MYBPC3: variants seen among roughly 807,000 people sequenced by gnomAD.
MYBPC3 encodes the protein myosin-binding protein C, cardiac-type.
Under a neutral mutation model 159.3 loss-of-function variants are expected in MYBPC3, and 108 were observed. The ratio of observed to expected loss-of-function variants is 0.68; its 90% CI spans 0.58 to 0.80. The LOEUF (loss-of-function observed/expected upper bound fraction) is 0.80. Ranked by LOEUF, MYBPC3 falls within the 30% of genes least tolerant of loss-of-function variation. The pLI is 0.00. For synonymous variants in MYBPC3, 730 were observed against 702.0 expected, an observed-to-expected ratio of 1.04 and a Z score of -0.63; for missense variants, 1,631 against 1,762.1, an observed-to-expected ratio of 0.93 and a Z score of 1.33.
intron 26 of MYBPC3, 124 bp downstream of exon 26, chr11:47,335,753 C>A (rs2095881580): frequency 2.5e-6 from 2 of 807,252 alleles, no homozygotes. Context: ...ACAGATATTT[C>A]TCTGGGTGTC....
intron 25 of MYBPC3, 69 bp from the exon 26 acceptor site, chr11:47,336,080 TCTGAA>T (rs1167834163): frequency 2.2e-6 from 3 of 1,339,314 alleles, no homozygotes; most frequent in Non-Finnish European, 2.9e-6. Context: ...TGCCCTAGAC[TCTGAA>T]CTGCCCACTG....
chr11:47,337,270 G>A lies in MYBPC3; in HGVS notation c.2602+121C>T, dbSNP rs1301238528. 9.2e-6 allele frequency: 10 copies of A among 1,086,490 alleles called. No individual in the cohort carries two copies. The South Asian group carries it at 1.6e-4, about 17-fold the overall frequency. 67.3% of individuals were successfully genotyped at this position (1,086,490 alleles called of 1,614,324 possible). On this transcript the variant is annotated intron_variant, in intron 25 of 34. Transcript: ENST00000545968. ...AAAATGCGGCTGAGTATCCCCAGTCGAGGATGAAAGGAGACTGTGGATGTG... is the reference window on the plus strand; with the variant it reads ...AAAATGCGGCTGAGTATCCCCAGTCAAGGATGAAAGGAGACTGTGGATGTG...
chr11:47,335,935 T>C lies in MYBPC3; in HGVS notation c.2679A>G (p.Pro893=). ...CCAGGCCTCCTGCTCCCACGCGCTC[T>C]GGGGGCCGCCACTTGAGGGAGACCG... is the stretch of plus-strand genomic sequence containing the variant. ...DTTVSLKWRP[P]ERVGAGGLDG... Residue 893 remains proline, a synonymous_variant, in exon 26 of 35, where the codon CCA becomes CCG. Transcript: ENST00000545968. The C allele has an allele frequency of 1.3e-6, 2 of 1,560,820 alleles. No homozygotes were observed. Among genetic ancestry groups the C allele is most frequent in the East Asian group, 2.4e-5 (1 of 41,740 alleles).
At position 47,339,809 on chromosome 11, in the gene MYBPC3, A is replaced by G. The variant is rs1057521020; in HGVS notation, c.1928-19T>C. On this transcript the variant is annotated intron_variant, in intron 20 of 34. Transcript: ENST00000545968. ...GGAGGTTCTGCAGAAGACACAATGT[A>G]GTTCAGAGAAACGGGAGAGCCAGGA... 1 of 1,606,082 alleles carries G rather than the reference A, an allele frequency of 6.2e-7. No individual in the cohort carries two copies. Among genetic ancestry groups the G allele is most frequent in the Non-Finnish European group, 8.5e-7 (1 of 1,173,436 alleles).
At chr11:47,331,757 A>G (rs558023598) in intron 34 of MYBPC3, 41 bp from the exon 35 acceptor site, 1 of 1,340,324 alleles carries the variant, frequency 7.5e-7, no homozygotes, top group Non-Finnish European at 1.0e-6. Flanking sequence ...GAGGGCCCCT[A>G]CAGCCTCCCA....
chr11:47,335,185 T>A lies in MYBPC3; in HGVS notation c.2762A>T (p.Gln921Leu), dbSNP rs986300955. ...EGCSEWVAALQGLTEHTSILV... is the reference protein window; with the variant it reads ...EGCSEWVAALLGLTEHTSILV... Reference sequence around the variant, plus strand: ...TATCGATGTGTGCTCTGTCAGCCCCTGCAGGGCAGCCACCCACTCTGAGCC... The same window carrying A: ...TATCGATGTGTGCTCTGTCAGCCCCAGCAGGGCAGCCACCCACTCTGAGCC... Residue 921 changes from glutamine (Q) to leucine (L), a missense_variant, in exon 27 of 35, where the codon CAG (glutamine) becomes CTG (leucine). Coordinates refer to ENST00000545968, the MANE Select transcript of MYBPC3 (RefSeq NM_000256.3). 1.7e-5 allele frequency: 28 copies of A among 1,606,032 alleles called. No homozygotes were observed. In the Admixed American group the frequency reaches 4.7e-4, roughly 27 times the overall value.
In MYBPC3 at chr11:47,332,442, C is replaced by T; in HGVS notation, c.3627+124G>A. On this transcript the variant is annotated intron_variant, in intron 32 of 34. Transcript: ENST00000545968. The surrounding 1 kb of genome is among the most constrained non-coding windows in gnomAD (Gnocchi z 4.2). ...CATGGCCCTGCCCAGGGGGAGGAAC[C>T]CGGTCCATACACCCCAAGGTGGAGA... is the stretch of plus-strand genomic sequence containing the variant. The T allele has an allele frequency of 2.0e-6, 3 of 1,474,276 alleles. No homozygotes were observed. The highest frequency in any genetic ancestry group is 1.4e-5 in the African/African-American group (1 of 71,416). 91.3% of individuals were successfully genotyped at this position (1,474,276 alleles called of 1,614,324 possible).
In MYBPC3 at chr11:47,332,822, G is replaced by T; in HGVS notation, c.3482C>A (p.Pro1161His). Residue 1161 changes from proline (P) to histidine (H), a missense_variant, in exon 31 of 35, where the codon CCC becomes CAC. Coordinates refer to ENST00000545968, the MANE Select transcript of MYBPC3 (RefSeq NM_000256.3). The surrounding 1 kb of genome is among the most constrained non-coding windows in gnomAD (Gnocchi z 4.2). ...GAATGAGGGTACAGCACCTGGTCTG[G>T]GGATAAAGACGGGCTCCTTGGTGGT... Reference protein sequence around the residue: ...AATTKEPVFIPRPGITYEPPN... With the variant: ...AATTKEPVFIHRPGITYEPPN... The T allele has an allele frequency of 6.2e-7, 1 of 1,606,176 alleles. No individual in the cohort carries two copies.
In MYBPC3 at chr11:47,346,501, G is replaced by C; in HGVS notation, c.926+126C>G. The C allele has an allele frequency of 6.9e-7, 1 of 1,454,424 alleles. No individual in the cohort carries two copies. Among genetic ancestry groups the C allele is most frequent in the East Asian group, 2.4e-5 (1 of 41,998 alleles). The allele number at this position is 1,454,424 out of a possible 1,614,324, so 90.1% of individuals were successfully genotyped here. On this transcript the variant is annotated intron_variant, in intron 11 of 34. Transcript: ENST00000545968. This position sits in a 1 kb window ranked among gnomAD's most constrained non-coding sequence, Gnocchi z 5.3. ...CCCTTCCCTTCTGGTGGGGCAGCTG[G>C]AGCTGCTCTGGGTCCCAGGCCAGGC...
In MYBPC3 at chr11:47,342,007, C is replaced by A; in HGVS notation, c.1774G>T (p.Val592Leu). The change falls in exon 18 of 35, where the codon GTG becomes TTG. Residue 592 changes from valine (V) to leucine (L), a missense_variant. Physicochemically the swap from Val to Leu is conservative, Grantham distance 32 (BLOSUM62 1). Coordinates refer to ENST00000545968, the MANE Select transcript of MYBPC3 (RefSeq NM_000256.3). ...KELVPDSRIK[V>L]SHIGRVHKLT... ...CACACTCACCGCCCGATGTGGGACA[C>A]CTTTATGCGGCTGTCGGGCACCAGC... 2 of 1,573,432 alleles carry A rather than the reference C, an allele frequency of 1.3e-6. No individual in the cohort carries two copies. Among genetic ancestry groups the A allele is most frequent in the Non-Finnish European group, 1.7e-6 (2 of 1,158,592 alleles).
At chr11:47,334,419 A>T (rs2095880300) in intron 27 of MYBPC3, among the ~76,000 whole-genome samples, 1 of 152,224 alleles carries the variant, frequency 6.6e-6, no homozygotes, top group Admixed American at 6.5e-5. Context: ...TGGGAAGTGG[A>T]TCCCAGAGGG....
At chr11:47,342,300 G>A (rs1427092736) in intron 17 of MYBPC3, 144 bp from the exon 18 acceptor site, 8 of 1,138,842 alleles carry the variant, frequency 7.0e-6, no homozygotes, top group Non-Finnish European at 9.7e-6. Flanking sequence ...GCCTGTGTGT[G>A]CCATGTTTGC....
At position 47,351,905 on chromosome 11, in the gene MYBPC3, G is replaced by A. The variant is rs976466562; in HGVS notation, c.26-400C>T. 2.0e-5 allele frequency among the ~76,000 whole-genome samples: 3 copies of A among 152,184 alleles called. No homozygotes were observed. The highest frequency in any genetic ancestry group is 2.0e-4 in the Admixed American group (3 of 15,284). ...GAATGTGGCCAAATTTGTCCTCCAA[G>A]GACCTCAGGCTGGGTATCAGCAACT... is the stretch of plus-strand genomic sequence containing the variant. On this transcript the variant is annotated intron_variant, in intron 1 of 34. Coordinates refer to ENST00000545968, the MANE Select transcript of MYBPC3 (RefSeq NM_000256.3). This position sits in a 1 kb window ranked among gnomAD's most constrained non-coding sequence, Gnocchi z 4.2.
rs1359648001 is a variant in MYBPC3 at position 47,346,334 on chromosome 11, C to G, written c.963G>C (p.Val321=). Residue 321 remains valine, a synonymous_variant, in exon 12 of 35, where the codon GTG becomes GTC. Coordinates refer to ENST00000545968, the MANE Select transcript of MYBPC3 (RefSeq NM_000256.3). The surrounding 1 kb of genome is among the most constrained non-coding windows in gnomAD (Gnocchi z 5.3). ...SKLEAPAEED[V]WEILRQAPPS... is the part of the protein sequence containing the mutation. The stretch of plus-strand genomic sequence containing the variant: ...GGGGTGCCTGCCGTAGGATCTCCCA[C>G]ACGTCCTCCTCTGCTGGTGCCTCCA... 6.2e-7 allele frequency: 1 copy of G among 1,608,964 alleles called. No individual in the cohort carries two copies. The highest frequency in any genetic ancestry group is 2.2e-5 in the East Asian group (1 of 44,704).
At chr11:47,350,367 C>T (rs934726837) in intron 3 of MYBPC3, 135 bp downstream of exon 3, 33 of 1,418,382 alleles carry the variant, frequency 2.3e-5, no homozygotes, top group Middle Eastern at 2.5e-4. Flanking sequence ...CCTCATGATC[C>T]GCCCACCTCG....
rs368244910 is a variant in MYBPC3 at position 47,332,348 on chromosome 11, C to CG, written c.3628-91dup. On this transcript the variant is annotated intron_variant, in intron 32 of 34. Transcript: ENST00000545968. The surrounding 1 kb of genome is among the most constrained non-coding windows in gnomAD (Gnocchi z 4.2). ...AGGGAGACACATCTGTGTTTCTACT[C>CG]GGGGGGTCCCACGAGAGTCCCTGAC... 1.7e-4 allele frequency: 254 copies of CG among 1,499,496 alleles called. 1 individual carries two copies. The highest frequency in any genetic ancestry group is 7.9e-4 in the Middle Eastern group (4 of 5,092). The allele number at this position is 1,499,496 out of a possible 1,614,324, so 92.9% of individuals were successfully genotyped here.
At chr11:47,340,887 G>A (rs2142858937) in intron 20 of MYBPC3, 116 bp downstream of exon 20, 2 of 1,211,140 alleles carry the variant, frequency 1.7e-6, no homozygotes, top group Non-Finnish European at 2.2e-6. Flanking sequence ...CTGAAGCTGG[G>A]CCCCAGGACC....
Position 47,340,986 on chromosome 11 carries a change from G to T in MYBPC3, c.1927+17C>A, listed in dbSNP as rs1232627391. The T allele has an allele frequency of 1.3e-6, 2 of 1,552,138 alleles. No individual in the cohort carries two copies. Among genetic ancestry groups the T allele is most frequent in the Non-Finnish European group, 1.7e-6 (2 of 1,150,396 alleles). On this transcript the variant is annotated intron_variant, in intron 20 of 34. Transcript: ENST00000545968. ...GGAAAGTGAGCAGAACCAAGACTCA[G>T]GGGCCCCAAGACTTACCCTGCCTGG...
intron 25 of MYBPC3, among the ~76,000 whole-genome samples, chr11:47,337,038 G>T (rs1420999753): frequency 6.6e-6 from 1 of 152,246 alleles, no homozygotes; most frequent in Non-Finnish European, 1.5e-5. Flanking sequence ...GCACCTGTTA[G>T]ATGCCAGATG....
Sources: allele counts gnomAD v4.1 joint callset (sites outside exome capture counted in the v4.1 genomes callset), GRCh38; gene constraint gnomAD v4.1.1; non-coding constraint Gnocchi (gnomAD v3.1); transcripts MANE v1.5; gene names NCBI Gene and HGNC (gene_info 2026-07-23, HGNC 2026-07-21).